Variants in VRK2 observed in about 807,000 individuals in gnomAD.
The protein encoded by VRK2 is VRK serine/threonine kinase 2.
Under a neutral mutation model 57.6 loss-of-function variants are expected in VRK2, and 60 were observed. That is an observed-to-expected ratio of 1.04 (90% CI 0.85 to 1.29). VRK2 has a LOEUF of 1.29. Ranked by LOEUF, VRK2 falls within the 50% of genes most tolerant of loss-of-function variation. The pLI is 0.00. For missense variants in VRK2, 705 were observed against 588.1 expected (o/e 1.20, Z -2.06); for synonymous variants, 231 against 199.2 (o/e 1.16, Z -1.35).
intron 11 of VRK2, among the ~76,000 whole-genome samples, 169 bp downstream of exon 11, chr2:58,140,001 C>T (rs1370917742): frequency 3.9e-5 from 6 of 152,030 alleles, no homozygotes; most frequent in African/African-American, 1.4e-4. Flanking sequence ...TTCTTTTGAC[C>T]TGTTGTCTCA....
intron 1 of VRK2, among the ~76,000 whole-genome samples, chr2:58,014,059 C>G (rs189675969): frequency 1.3e-5 from 2 of 152,208 alleles, no homozygotes; most frequent in Admixed American, 1.3e-4. Context: ...AATGTTTCCA[C>G]TTTCTCACAG....
chr2:57,925,145 C>A (rs2717012), intron 1 of VRK2, among the ~76,000 whole-genome samples: 45,674 of 151,884 alleles, frequency 0.3, 8,101 homozygotes, highest in East Asian at 0.41. Flanking sequence ...CCATATTCAT[C>A]AGAAATATTG....
chr2:58,036,286 T>G (rs1471210430), intron 3 of VRK2, among the ~76,000 whole-genome samples: 2 of 151,916 alleles, frequency 1.3e-5, no homozygotes, highest in African/African-American at 4.8e-5. Context: ...GGGCTTTCTA[T>G]ATTGCAAAAA....
At chr2:58,106,378 A>G (rs1674753816) in intron 7 of VRK2, among the ~76,000 whole-genome samples, 1 of 152,034 alleles carries the variant, frequency 6.6e-6, no homozygotes, top group African/African-American at 2.4e-5. Context: ...TGTTTTGCTA[A>G]AAGAACCAGG....
chr2:58,118,007 G>A (rs1306040685), intron 7 of VRK2, among the ~76,000 whole-genome samples: 5 of 152,180 alleles, frequency 3.3e-5, no homozygotes, highest in Non-Finnish European at 5.9e-5. Context: ...AGGTTGGGGA[G>A]CGGAAATAAG....
intron 8 of VRK2, among the ~76,000 whole-genome samples, chr2:58,129,947 G>A (rs1001196027): frequency 1.3e-5 from 2 of 152,114 alleles, no homozygotes; most frequent in African/African-American, 2.4e-5. Flanking sequence ...ATAAAAGATT[G>A]AAAAATGTGA....
chr2:57,943,825 CAG>C (rs1255413427), intron 1 of VRK2, among the ~76,000 whole-genome samples: 7 of 152,150 alleles, frequency 4.6e-5, no homozygotes, highest in African/African-American at 7.2e-5. Flanking sequence ...TTCTCTGAAA[CAG>C]AGGTCAGCAA....
At chr2:58,122,721 A>T (rs533220389) in intron 7 of VRK2, among the ~76,000 whole-genome samples, 15 of 152,248 alleles carry the variant, frequency 9.9e-5, no homozygotes, top group Middle Eastern at 3.4e-3. Context: ...TTCCTGCTTG[A>T]AATAGTTTTA....
At chr2:58,114,589 CTTT>C in intron 7 of VRK2, among the ~76,000 whole-genome samples, 1 of 152,220 alleles carries the variant, frequency 6.6e-6, no homozygotes, top group East Asian at 1.9e-4. Flanking sequence ...TTGTCCAGTC[CTTT>C]TTAAGTTGGT....
intron 12 of VRK2, among the ~76,000 whole-genome samples, chr2:58,156,612 TG>T (rs891212265): frequency 8.8e-5 from 13 of 148,438 alleles, no homozygotes; most frequent in African/African-American, 3.4e-4. Flanking sequence ...TGTTTTGTTT[TG>T]TTTTTGCCTG....
At chr2:58,051,344 G>C (rs541954511) in intron 2 of VRK2, among the ~76,000 whole-genome samples, 1 of 151,032 alleles carries the variant, frequency 6.6e-6, no homozygotes, top group East Asian at 1.9e-4. Context: ...CAGTACTTCA[G>C]AATTTATAAT....
chr2:57,987,879 G>T (rs1313912192), intron 1 of VRK2, among the ~76,000 whole-genome samples: 1 of 152,154 alleles, frequency 6.6e-6, no homozygotes, highest in Non-Finnish European at 1.5e-5. Flanking sequence ...GTCATGCTGA[G>T]TGTGAGATGC....
At chr2:58,042,625 T>G (rs995517300), upstream of VRK2, among the ~76,000 whole-genome samples, 14 of 152,318 alleles carry the variant, frequency 9.2e-5, no homozygotes, top group African/African-American at 3.1e-4. Context: ...GGTTGGGTTT[T>G]TCTTTTTCTT....
chr2:58,070,425 A>G (rs1669221237), intron 2 of VRK2, among the ~76,000 whole-genome samples: 1 of 152,152 alleles, frequency 6.6e-6, no homozygotes, highest in Admixed American at 6.6e-5. Context: ...CATACAGACT[A>G]ATTTCACTGC....
chr2:57,912,821 G>A (rs980898693), intron 1 of VRK2, among the ~76,000 whole-genome samples: 5 of 152,106 alleles, frequency 3.3e-5, no homozygotes, highest in Non-Finnish European at 5.9e-5. Context: ...TTTGTATCCC[G>A]AGATTCATAT....
intron 12 of VRK2, among the ~76,000 whole-genome samples, chr2:58,150,694 C>G (rs1682889447): frequency 6.8e-6 from 1 of 146,378 alleles, no homozygotes; most frequent in Admixed American, 6.8e-5. Context: ...TTAATTTATT[C>G]TTTCAAGCTT....
In VRK2 at chr2:58,048,953, G is replaced by T; in HGVS notation, c.122G>T (p.Gly41Val). Reference protein sequence around the residue: ...LGKKIGSGGFGLIYLAFPTNK... With the variant: ...LGKKIGSGGFVLIYLAFPTNK... ...AAGAAGATTGGCTCTGGAGGATTTG[G>T]ATTGATATATTTAGGTAAAGTAAAA... is the stretch of plus-strand genomic sequence containing the variant. Residue 41 changes from glycine (G) to valine (V), a missense_variant, in exon 2 of 13, where the codon GGA becomes GTA. Gly to Val is a moderately radical substitution (Grantham distance 109). Transcript: ENST00000340157. 1 of 1,613,520 alleles carries T rather than the reference G, an allele frequency of 6.2e-7. No homozygotes were observed. Among genetic ancestry groups the T allele is most frequent in the Non-Finnish European group, 8.5e-7 (1 of 1,179,714 alleles).
intron 3 of VRK2, among the ~76,000 whole-genome samples, chr2:58,039,832 A>C (rs1367764770): frequency 6.6e-6 from 1 of 150,598 alleles, no homozygotes; most frequent in East Asian, 2.0e-4. Context: ...TTTATGGGCA[A>C]TTCCCCCTCT....
chr2:58,064,397 A>G lies in VRK2; in HGVS notation c.136+15430A>G, dbSNP rs145003499. Among the ~76,000 whole-genome samples the G allele has an allele frequency of 4.0e-3, 608 of 152,244 alleles. 9 individuals are homozygous for G. The highest frequency in any genetic ancestry group is 0.014 in the African/African-American group (566 of 41,556). The stretch of plus-strand genomic sequence containing the variant: ...CCACTACCCTGATCAGTCAGCAGCT[A>G]TCCACATCAAGACCCTCCACAAGCA... On this transcript the variant is annotated intron_variant, in intron 2 of 12. Coordinates refer to ENST00000340157, the MANE Select transcript of VRK2 (RefSeq NM_006296.7).
Sources: allele counts gnomAD v4.1 joint callset (sites outside exome capture counted in the v4.1 genomes callset), GRCh38; gene constraint gnomAD v4.1.1; transcripts MANE v1.5; gene names NCBI Gene and HGNC (gene_info 2026-07-23, HGNC 2026-07-21).